ZIC1: variants seen among roughly 807,000 people sequenced by gnomAD.
ZIC1 encodes zinc finger protein ZIC 1.
ZIC1 carries 4 observed loss-of-function variants against 30.9 expected under a neutral mutation model. That is an observed-to-expected ratio of 0.13 (90% confidence interval 0.06 to 0.30). ZIC1 has a LOEUF of 0.30. ZIC1 is among the 10% of genes least tolerant of loss of function. ZIC1 has a pLI of 1.00. For missense variants in ZIC1, 441 were observed against 639.3 expected, an observed-to-expected ratio of 0.69 and a Z score of 3.34; for synonymous variants, 305 against 277.5, an observed-to-expected ratio of 1.10 and a Z score of -0.98.
chr3:147,412,677 T>A lies in ZIC1; in HGVS notation c.1142T>A (p.Met381Lys). ...YTHPSSLRKH[M>K]KVHESSSQGS... is the part of the protein sequence containing the mutation. ...CATCCCAGTTCGCTGCGCAAACACA[T>A]GAAGGTAATCGCCGCACTCTCGTCG... Residue 381 changes from methionine (M) to lysine (K), a missense_variant, in exon 2 of 3, where the codon ATG becomes AAG. Met to Lys is a moderately conservative substitution (Grantham distance 95). Around this residue, in one of 5 missense-constraint regions of ZIC1, gnomAD observed 31 missense variants for 65.2 expected, o/e 0.48. Transcript: ENST00000282928. 6.2e-7 allele frequency: 1 copy of A among 1,610,894 alleles called. No homozygotes were observed. Among genetic ancestry groups the A allele is most frequent in the Non-Finnish European group, 8.5e-7 (1 of 1,177,524 alleles).
rs765896854 is a variant in ZIC1, at chr3:147,414,850, G to C, written c.*1299G>C. Reference sequence around the variant, plus strand: ...AATAACAGGAATAGATTGCACAGGCGACATCAATATTAATGTAGACGAATT... The same window carrying C: ...AATAACAGGAATAGATTGCACAGGCCACATCAATATTAATGTAGACGAATT... On this transcript the variant is annotated 3_prime_UTR_variant, in exon 3 of 3. Transcript: ENST00000282928. The C allele has an allele frequency of 6.6e-6, 1 of 152,616 alleles. No individual in the cohort carries two copies. The highest frequency in any genetic ancestry group is 1.5e-5 in the Non-Finnish European group (1 of 68,046). 9.5% of individuals were successfully genotyped at this position (152,616 alleles called of 1,614,324 possible).
chr3:147,410,784 G>A lies in ZIC1; in HGVS notation c.672G>A (p.Glu224=), dbSNP rs1324615472. 1 of 1,614,248 alleles carries A rather than the reference G, an allele frequency of 6.2e-7. No homozygotes were observed. Among genetic ancestry groups the A allele is most frequent in the Non-Finnish European group, 8.5e-7 (1 of 1,180,038 alleles). ...FRYMRQPIKQ[E]LICKWIEPEQ... Reference sequence around the variant, plus strand: ...ACATGCGCCAACCCATCAAGCAAGAGCTCATCTGCAAGTGGATCGAGCCCG... The same window carrying A: ...ACATGCGCCAACCCATCAAGCAAGAACTCATCTGCAAGTGGATCGAGCCCG... The change falls in exon 1 of 3, where the codon GAG becomes GAA. Residue 224 remains glutamate, a synonymous_variant. Coordinates refer to ENST00000282928, the MANE Select transcript of ZIC1 (RefSeq NM_003412.4).
chr3:147,411,420 C>T (rs1301945799), intron 1 of ZIC1, among the ~76,000 whole-genome samples: 2 of 152,200 alleles, frequency 1.3e-5, no homozygotes, highest in African/African-American at 2.4e-5. Context: ...TGGCTCCCGG[C>T]AGCCGCGGAG....
In ZIC1 at chr3:147,416,607, G is replaced by C. The variant is rs900350850; in HGVS notation, c.*3056G>C. On this transcript the variant is annotated 3_prime_UTR_variant, in exon 3 of 3. Coordinates refer to ENST00000282928, the MANE Select transcript of ZIC1 (RefSeq NM_003412.4). ...ACTCCATATTTCAAATATCTGTTTA[G>C]ACTGTGAAGGCCAAATAATTTTTAA... 1.3e-5 allele frequency: 2 copies of C among 152,178 alleles called. No homozygotes were observed. The highest frequency in any genetic ancestry group is 2.9e-5 in the Non-Finnish European group (2 of 68,034). The allele number at this position is 152,178 out of a possible 1,614,324, so 9.4% of individuals were successfully genotyped here. A position where few individuals can be genotyped will look rare whatever the true frequency, so the allele number is the denominator to read the frequency against.
In ZIC1 at chr3:147,410,151, C is replaced by T; in HGVS notation, c.39C>T (p.Gly13=). The T allele has an allele frequency of 1.3e-6, 2 of 1,595,872 alleles. No homozygotes were observed. Among genetic ancestry groups the T allele is most frequent in the East Asian group, 4.5e-5 (2 of 44,588 alleles). ...CCGGCCCCCAGTACCCAGCGATCGG[C>T]GTGACCACCTTTGGCGCGTCCCGCC... ...LDAGPQYPAI[G]VTTFGASRHH... is the part of the protein sequence containing the mutation. Residue 13 remains glycine, a synonymous_variant, in exon 1 of 3, where the codon GGC becomes GGT. Coordinates refer to ENST00000282928, the MANE Select transcript of ZIC1 (RefSeq NM_003412.4).
rs2087418064 is a variant in ZIC1 at position 147,414,643 on chromosome 3, C to G, written c.*1092C>G. The G allele has an allele frequency of 6.6e-6, 1 of 152,628 alleles. No individual in the cohort carries two copies. Among genetic ancestry groups the G allele is most frequent in the African/African-American group, 2.4e-5 (1 of 41,442 alleles). 9.5% of individuals were successfully genotyped at this position (152,628 alleles called of 1,614,324 possible). On this transcript the variant is annotated 3_prime_UTR_variant, in exon 3 of 3. Transcript: ENST00000282928. ...CAGTCTTAAAGGGTCTCCAGAAAAG[C>G]TCTCCAGTCTCCCTTGCCTTCCCTT...
In ZIC1 at chr3:147,416,105, AAGCTAGCCCCAATTG is replaced by A. The variant is rs746823410; in HGVS notation, c.*2555_*2569del. The A allele has an allele frequency of 1.3e-5, 2 of 152,284 alleles. No homozygotes were observed. The highest frequency in any genetic ancestry group is 2.4e-5 in the African/African-American group (1 of 41,478). The allele number at this position is 152,284 out of a possible 1,614,324, so 9.4% of individuals were successfully genotyped here. A position where few individuals can be genotyped will look rare whatever the true frequency, so the allele number is the denominator to read the frequency against. ...CTAGCTCCAAAAATTTGCGAAGCAA[AAGCTAGCCCCAATTG>A]GTTTGGAAGTTTGAAACTGATTAAC... On this transcript the variant is annotated 3_prime_UTR_variant, in exon 3 of 3. Coordinates refer to ENST00000282928, the MANE Select transcript of ZIC1 (RefSeq NM_003412.4).
At position 147,409,434 on chromosome 3, in the gene ZIC1, G is replaced by C. The variant is rs1212217098; in HGVS notation, c.-679G>C. ...TCACCGCCCGGCTGAGGAGGTGAAA[G>C]TTTCTCCCCAGGAAGATAAACCGCA... On this transcript the variant is annotated 5_prime_UTR_variant, in exon 1 of 3. Coordinates refer to ENST00000282928, the MANE Select transcript of ZIC1 (RefSeq NM_003412.4). 6.6e-6 allele frequency: 1 copy of C among 152,618 alleles called. No homozygotes were observed. Among genetic ancestry groups the C allele is most frequent in the Non-Finnish European group, 1.5e-5 (1 of 68,018 alleles). The allele number at this position is 152,618 out of a possible 1,614,324, so 9.5% of individuals were successfully genotyped here.
Position 147,409,904 on chromosome 3 carries a change from A to C in ZIC1, c.-209A>C. ...ACTCGCGGCCCGCAGCCGTCCGGCTACTTTGCGTTTGGCCCGGCCAGCGCC... is the reference window on the plus strand; with the variant it reads ...ACTCGCGGCCCGCAGCCGTCCGGCTCCTTTGCGTTTGGCCCGGCCAGCGCC... On this transcript the variant is annotated 5_prime_UTR_variant, in exon 1 of 3. Coordinates refer to ENST00000282928, the MANE Select transcript of ZIC1 (RefSeq NM_003412.4). 8 of 525,684 alleles carry C rather than the reference A, an allele frequency of 1.5e-5. No individual in the cohort carries two copies. The highest frequency in any genetic ancestry group is 2.9e-5 in the South Asian group (1 of 34,656). The allele number at this position is 525,684 out of a possible 1,614,324, so 32.6% of individuals were successfully genotyped here.
At position 147,413,992 on chromosome 3, in the gene ZIC1, T is replaced by G. The variant is rs1271700957; in HGVS notation, c.*441T>G. ...CTCGGTTGGAGCGGGTGGGTGGGAT[T>G]GTGGCGTTGTGGTCTTTGCATTGGG... On this transcript the variant is annotated 3_prime_UTR_variant, in exon 3 of 3. Coordinates refer to ENST00000282928, the MANE Select transcript of ZIC1 (RefSeq NM_003412.4). The G allele has an allele frequency of 8.2e-6, 1 of 122,300 alleles. No individual in the cohort carries two copies. The highest frequency in any genetic ancestry group is 1.6e-5 in the Non-Finnish European group (1 of 60,982). The allele number at this position is 122,300 out of a possible 1,614,324, so 7.6% of individuals were successfully genotyped here. A position where few individuals can be genotyped will look rare whatever the true frequency, so the allele number is the denominator to read the frequency against.
chr3:147,411,155 A>C (rs1341422312), intron 1 of ZIC1, 61 bp downstream of exon 1: 1 of 1,543,154 alleles, frequency 6.5e-7, no homozygotes, highest in Non-Finnish European at 8.7e-7. Context: ...CCAAACCGAA[A>C]GTCAGCGGCC....
rs1460564347 is a variant in ZIC1, at chr3:147,416,249, T to TTAA, written c.*2703_*2705dup. 9 of 152,244 alleles carry TTAA rather than the reference T, an allele frequency of 5.9e-5. No homozygotes were observed. The highest frequency in any genetic ancestry group is 1.3e-4 in the Non-Finnish European group (9 of 68,046). 9.4% of individuals were successfully genotyped at this position (152,244 alleles called of 1,614,324 possible). ...CTCTCTAGAAAAGATAACACCACAA[T>TTAA]TAATAATCCTTCCCACTTTCATTGA... On this transcript the variant is annotated 3_prime_UTR_variant, in exon 3 of 3. Transcript: ENST00000282928.
chr3:147,416,662 T>C lies in ZIC1; in HGVS notation c.*3111T>C, dbSNP rs2087438368. 1 of 152,246 alleles carries C rather than the reference T, an allele frequency of 6.6e-6. No individual in the cohort carries two copies. The highest frequency in any genetic ancestry group is 1.5e-5 in the Non-Finnish European group (1 of 68,040). The allele number at this position is 152,246 out of a possible 1,614,324, so 9.4% of individuals were successfully genotyped here. On this transcript the variant is annotated 3_prime_UTR_variant, in exon 3 of 3. Transcript: ENST00000282928. ...ACATTTGAAGAGTAGTGTGTTTGCA[T>C]TTGTGAATAATCTTACTCACAGCAA...
At chr3:147,412,497 C>A in intron 1 of ZIC1, 21 bp from the exon 2 acceptor site, 1 of 1,613,270 alleles carries the variant, frequency 6.2e-7, no homozygotes, top group Non-Finnish European at 8.5e-7. Context: ...TTAGACCCCT[C>A]TCATTCTACT....
chr3:147,411,166 A>G lies in ZIC1; in HGVS notation c.982+72A>G, dbSNP rs2087372040. On this transcript the variant is annotated intron_variant, in intron 1 of 2. Coordinates refer to ENST00000282928, the MANE Select transcript of ZIC1 (RefSeq NM_003412.4). The stretch of plus-strand genomic sequence containing the variant: ...GGACCCAAACCGAAAGTCAGCGGCC[A>G]GGTCGCACAAACGCAGCCTCGGTGG... 2.9e-5 allele frequency: 44 copies of G among 1,535,012 alleles called. No individual in the cohort carries two copies. In the South Asian group the frequency reaches 3.7e-4, roughly 13 times the overall value.
At chr3:147,412,384 G>GT in intron 1 of ZIC1, 134 bp from the exon 2 acceptor site, 1 of 1,005,378 alleles carries the variant, frequency 9.9e-7, no homozygotes, top group Non-Finnish European at 1.5e-6. Flanking sequence ...GACGTTCCGG[G>GT]TTTTTAAGCT....
Position 147,410,292 on chromosome 3 carries a change from C to T in ZIC1, c.180C>T (p.Gly60=). The T allele has an allele frequency of 6.2e-7, 1 of 1,600,146 alleles. No homozygotes were observed. Residue 60 remains glycine, a synonymous_variant, in exon 1 of 3, where the codon GGC becomes GGT. Coordinates refer to ENST00000282928, the MANE Select transcript of ZIC1 (RefSeq NM_003412.4). ...NPSSHELASA[G]QTAFTSQAPG... is the part of the protein sequence containing the mutation. ...GTTCGCACGAGCTGGCTTCGGCCGG[C>T]CAGACGGCCTTCACGTCGCAGGCGC...
At chr3:147,411,753 C>T (rs1576470113) in intron 1 of ZIC1, among the ~76,000 whole-genome samples, 1 of 151,906 alleles carries the variant, frequency 6.6e-6, no homozygotes, top group Non-Finnish European at 1.5e-5. Flanking sequence ...TATTAGACTC[C>T]ATGAGGGTGT....
rs941153211 is a variant in ZIC1 at position 147,409,986 on chromosome 3, C to T, written c.-127C>T. On this transcript the variant is annotated 5_prime_UTR_variant, in exon 1 of 3. Transcript: ENST00000282928. ...GACTTCGCGAGGTGGGTCGACTCCC[C>T]CTCCCTCCTCCTCTTCTTCCTCCTC... The T allele has an allele frequency of 4.8e-5, 51 of 1,067,876 alleles. No individual in the cohort carries two copies. The East Asian group carries it at 1.3e-3, about 27-fold the overall frequency. The allele number at this position is 1,067,876 out of a possible 1,614,324, so 66.2% of individuals were successfully genotyped here.
Sources: gnomAD v4.1 joint callset for allele counts (sites outside exome capture counted in the v4.1 genomes callset) on GRCh38, gnomAD v4.1.1 for gene constraint, gnomAD v4.1.1 regional missense constraint, MANE v1.5 for transcripts, NCBI Gene and HGNC (gene_info 2026-07-23, HGNC 2026-07-21) for gene names.